The following DPP10 variants were observed in gnomAD, a reference collection of about 807,000 sequenced individuals.
DPP10 encodes the protein inactive dipeptidyl peptidase 10.
In DPP10, 33 loss-of-function variants were observed where a neutral mutation model predicts 120.9. The observed-to-expected ratio is 0.27, with a 90% CI of 0.21 to 0.37. DPP10 has a LOEUF of 0.37. DPP10 is among the 10% of genes least tolerant of loss of function. The pLI, the probability that DPP10 is intolerant of heterozygous loss-of-function variation, is 1.00. For synonymous variants in DPP10, 337 were observed against 326.1 expected, an observed-to-expected ratio of 1.03 and a Z score of -0.36; for missense variants, 816 against 942.8, an observed-to-expected ratio of 0.87 and a Z score of 1.76.
intron 3 of DPP10, among the ~76,000 whole-genome samples, chr2:115,364,625 C>CT (rs34256845): frequency 0.043 from 5,828 of 136,598 alleles, 138 homozygotes; most frequent in South Asian, 0.09. Flanking sequence ...TCCCAGACAT[C>CT]TTTTTTTTTT....
intron 1 of DPP10, among the ~76,000 whole-genome samples, chr2:114,634,698 T>A (rs1695183827): frequency 6.6e-6 from 1 of 151,918 alleles, no homozygotes; most frequent in Admixed American, 6.5e-5. Flanking sequence ...TAACAAAGAA[T>A]AGAGATAACT....
chr2:114,667,637 C>T (rs1356226999), intron 1 of DPP10, among the ~76,000 whole-genome samples: 1 of 152,152 alleles, frequency 6.6e-6, no homozygotes, highest in African/African-American at 2.4e-5. Context: ...CTTGGCAAAT[C>T]CCCCTCGGGT....
chr2:115,437,231 G>C (rs2071578892), intron 3 of DPP10, among the ~76,000 whole-genome samples: 1 of 151,988 alleles, frequency 6.6e-6, no homozygotes. Flanking sequence ...GATTTCTACT[G>C]AATTAACTCT....
chr2:115,322,379 T>A (rs555144069), intron 2 of DPP10, among the ~76,000 whole-genome samples: 1 of 152,344 alleles, frequency 6.6e-6, no homozygotes, highest in African/African-American at 2.4e-5. Flanking sequence ...AAATGTTTTC[T>A]TGAATATTAG....
intron 9 of DPP10, 29 bp from the exon 10 acceptor site, chr2:115,746,057 C>T: frequency 2.0e-6 from 3 of 1,481,834 alleles, no homozygotes; most frequent in Non-Finnish European, 2.8e-6. Context: ...GCTTAATGTA[C>T]TTGCAATACA....
chr2:115,648,374 A>G (rs1327748986), intron 5 of DPP10, among the ~76,000 whole-genome samples: 1 of 152,084 alleles, frequency 6.6e-6, no homozygotes, highest in Non-Finnish European at 1.5e-5. Context: ...GATAGTTCAT[A>G]TCAATGTATG....
At chr2:115,218,586 C>T (rs1298271444) in intron 1 of DPP10, among the ~76,000 whole-genome samples, 1 of 152,090 alleles carries the variant, frequency 6.6e-6, no homozygotes, top group African/African-American at 2.4e-5. Flanking sequence ...CTGTTCCATT[C>T]CAGTTCATTG....
intron 1 of DPP10, among the ~76,000 whole-genome samples, chr2:114,766,277 A>G (rs1216445106): frequency 6.6e-6 from 1 of 152,166 alleles, no homozygotes; most frequent in African/African-American, 2.4e-5. Flanking sequence ...AAAATAAAAA[A>G]TAAAAATAAT....
chr2:114,723,759 T>C (rs1701861765), intron 1 of DPP10, among the ~76,000 whole-genome samples: 2 of 152,318 alleles, frequency 1.3e-5, no homozygotes, highest in Non-Finnish European at 1.5e-5. Context: ...TTCATCTTCT[T>C]TGACAAGGAA....
At chr2:115,107,710 G>T (rs2049020822) in intron 1 of DPP10, among the ~76,000 whole-genome samples, 1 of 151,982 alleles carries the variant, frequency 6.6e-6, no homozygotes, top group African/African-American at 2.4e-5. Flanking sequence ...TGCTAATTTT[G>T]AGAAAGATAA....
chr2:115,619,316 C>A (rs528793362), intron 5 of DPP10, among the ~76,000 whole-genome samples: 1 of 151,602 alleles, frequency 6.6e-6, no homozygotes, highest in South Asian at 2.1e-4. Context: ...ACCTCATGAT[C>A]CGCCCGCGTC....
intron 1 of DPP10, among the ~76,000 whole-genome samples, chr2:114,771,041 T>G (rs1574148447): frequency 6.6e-6 from 1 of 152,322 alleles, no homozygotes; most frequent in Admixed American, 6.5e-5. Context: ...GTCTAAACAC[T>G]TACCCACTGT....
chr2:114,449,626 T>C (rs1478525542), intron 1 of DPP10, among the ~76,000 whole-genome samples: 2 of 152,140 alleles, frequency 1.3e-5, no homozygotes, highest in Admixed American at 6.6e-5. Flanking sequence ...ACATGAACCA[T>C]GTGGTCTTGC....
intron 11 of DPP10, among the ~76,000 whole-genome samples, chr2:115,755,601 AG>A (rs937653475): frequency 2.2e-4 from 33 of 152,246 alleles, no homozygotes; most frequent in African/African-American, 7.0e-4. Flanking sequence ...ACATTGGTCT[AG>A]GCAAAGATTT....
At chr2:115,415,839 T>TATA (rs1553592773) in intron 3 of DPP10, among the ~76,000 whole-genome samples, 1 of 43,530 alleles carries the variant, frequency 2.3e-5, no homozygotes, top group African/African-American at 6.6e-5. Flanking sequence ...CCTGATTTGC[T>TATA]TTTATATATA....
At chr2:115,544,238 A>G in intron 5 of DPP10, among the ~76,000 whole-genome samples, 1 of 152,166 alleles carries the variant, frequency 6.6e-6, no homozygotes, top group South Asian at 2.1e-4. Context: ...GAAAGTGTCA[A>G]TATAGTCAGC....
intron 1 of DPP10, among the ~76,000 whole-genome samples, chr2:114,517,497 G>A (rs913345226): frequency 1.4e-5 from 2 of 148,062 alleles, no homozygotes; most frequent in African/African-American, 2.5e-5. Flanking sequence ...TCCAGCCTGG[G>A]TGATATACAG....
chr2:115,348,221 GT>G (rs2063807241), intron 3 of DPP10, among the ~76,000 whole-genome samples: 2 of 152,078 alleles, frequency 1.3e-5, no homozygotes, highest in Non-Finnish European at 2.9e-5. Flanking sequence ...ATTTTTTCAT[GT>G]TGAATACTAC....
At chr2:115,821,670 A>T (rs1687830459) in intron 21 of DPP10, among the ~76,000 whole-genome samples, 1 of 151,432 alleles carries the variant, frequency 6.6e-6, no homozygotes, top group African/African-American at 2.4e-5. Flanking sequence ...ATTTGAATTG[A>T]TTATTTTTTT....
Sources: allele counts gnomAD v4.1 joint callset (sites outside exome capture counted in the v4.1 genomes callset), GRCh38; gene constraint gnomAD v4.1.1; transcripts MANE v1.5; gene names NCBI Gene and HGNC (gene_info 2026-07-23, HGNC 2026-07-21).